ADAM2: variants seen among roughly 807,000 people sequenced by gnomAD.
The protein encoded by ADAM2 is ADAM metallopeptidase domain 2.
In ADAM2, 101 loss-of-function variants were observed where a neutral mutation model predicts 99.3. The ratio of observed to expected loss-of-function variants is 1.02; its 90% confidence interval spans 0.87 to 1.20. ADAM2 has a LOEUF of 1.20. Among genes scored for constraint, ADAM2 ranks in the 50% most tolerant of loss-of-function variants. ADAM2 has a pLI of 0.00. For synonymous variants in ADAM2, 323 were observed against 287.6 expected (o/e 1.12, Z -1.25); for missense variants, 948 against 878.7 (o/e 1.08, Z -1.00).
chr8:39,768,578 CA>C (rs1400689395), intron 12 of ADAM2, among the ~76,000 whole-genome samples: 3 of 152,132 alleles, frequency 2.0e-5, no homozygotes, highest in Non-Finnish European at 4.4e-5. Context: ...TTAAAATATT[CA>C]AAAACCACAA....
intron 10 of ADAM2, 87 bp downstream of exon 10, chr8:39,786,886 AT>A: frequency 9.8e-7 from 1 of 1,021,128 alleles, no homozygotes; most frequent in South Asian, 1.8e-5. Flanking sequence ...AACAATGCAA[AT>A]TTTAATACAC....
At chr8:39,820,931 T>C in intron 6 of ADAM2, 71 bp downstream of exon 6, 1 of 983,388 alleles carries the variant, frequency 1.0e-6, no homozygotes, top group Non-Finnish European at 1.5e-6. Flanking sequence ...ATGTAATTTA[T>C]CAACTATAAA....
chr8:39,831,197 A>G (rs1368275396), intron 3 of ADAM2, among the ~76,000 whole-genome samples: 2 of 152,186 alleles, frequency 1.3e-5, no homozygotes, highest in Non-Finnish European at 2.9e-5. Flanking sequence ...GGACAAAAGG[A>G]TGCTACCCAA....
chr8:39,825,561 G>A (rs1805363375), intron 3 of ADAM2, among the ~76,000 whole-genome samples: 2 of 151,628 alleles, frequency 1.3e-5, no homozygotes, highest in Non-Finnish European at 1.5e-5. Flanking sequence ...GTATCAAAAA[G>A]CTTTATGTAA....
intron 6 of ADAM2, among the ~76,000 whole-genome samples, chr8:39,816,489 C>T (rs1804947986): frequency 6.6e-6 from 1 of 151,984 alleles, no homozygotes; most frequent in South Asian, 2.1e-4. Context: ...AACATATATC[C>T]ACATAAAACA....
intron 6 of ADAM2, among the ~76,000 whole-genome samples, chr8:39,813,742 G>A (rs1330777117): frequency 6.6e-6 from 1 of 151,946 alleles, no homozygotes; most frequent in East Asian, 1.9e-4. Flanking sequence ...GACACAAGCT[G>A]GGGAACTTCA....
chr8:39,813,871 A>G (rs1254030117), intron 6 of ADAM2, among the ~76,000 whole-genome samples: 1 of 152,234 alleles, frequency 6.6e-6, no homozygotes, highest in African/African-American at 2.4e-5. Flanking sequence ...TACATATGGA[A>G]GAAAGCTGCA....
chr8:39,819,011 G>T (rs567111755), intron 6 of ADAM2, among the ~76,000 whole-genome samples: 2 of 151,828 alleles, frequency 1.3e-5, no homozygotes, highest in East Asian at 3.9e-4. Flanking sequence ...GCCATTTTTT[G>T]GAAATTAAAA....
rs561761123 is a variant in ADAM2, at chr8:39,760,749, A to C, written c.1613+427T>G. Among the ~76,000 whole-genome samples, 21 of 150,496 alleles carry C rather than the reference A, an allele frequency of 1.4e-4. 1 individual carries two copies. The highest frequency in any genetic ancestry group is 5.9e-4 in the East Asian group (3 of 5,106). ...AATAAAATAAAAAAATAAAAAAAAA[A>C]CACATTTTGCTCCTTAAGCAGTAAA... is the stretch of plus-strand genomic sequence containing the variant. On this transcript the variant is annotated intron_variant, in intron 15 of 20. Coordinates refer to ENST00000265708, the MANE Select transcript of ADAM2 (RefSeq NM_001464.5).
chr8:39,789,125 A>C (rs1312353111), intron 7 of ADAM2, among the ~76,000 whole-genome samples: 1 of 151,704 alleles, frequency 6.6e-6, no homozygotes, highest in Non-Finnish European at 1.5e-5. Context: ...AGGAACTTAA[A>C]AGATATACCA....
chr8:39,764,808 G>C (rs1379941473), intron 14 of ADAM2, among the ~76,000 whole-genome samples: 1 of 152,108 alleles, frequency 6.6e-6, no homozygotes, highest in Non-Finnish European at 1.5e-5. Flanking sequence ...GTGGTCAGGA[G>C]TTCGAGACCA....
At chr8:39,751,477 TG>T (rs746401981) in intron 16 of ADAM2, among the ~76,000 whole-genome samples, 8 of 151,748 alleles carry the variant, frequency 5.3e-5, no homozygotes, top group Non-Finnish European at 1.0e-4. Context: ...TTTTTTTGTT[TG>T]TTTTTGTTTT....
chr8:39,773,043 C>A (rs202005), intron 11 of ADAM2, among the ~76,000 whole-genome samples: 5,675 of 151,788 alleles, frequency 0.037, 345 homozygotes, highest in African/African-American at 0.13. Flanking sequence ...AAACTAAACA[C>A]AATTATTAAA....
intron 14 of ADAM2, among the ~76,000 whole-genome samples, chr8:39,764,907 C>CAGGAGGCT (rs1391681410): frequency 5.6e-4 from 85 of 152,016 alleles, no homozygotes; most frequent in Non-Finnish European, 8.5e-4. Flanking sequence ...CACAGCTACT[C>CAGGAGGCT]AGGAGGCTAG....
In ADAM2 at chr8:39,746,538, A is replaced by T; in HGVS notation, c.2108T>A (p.Ile703Asn). ...IPFFIIFCVL[I>N]AIMVKVNFQR... ...GAAATTAACTTTCACCATTATAGCAATCAGTACACAGAAAATAATAAAGAA... is the reference window on the plus strand; with the variant it reads ...GAAATTAACTTTCACCATTATAGCATTCAGTACACAGAAAATAATAAAGAA... Residue 703 changes from isoleucine to asparagine, a missense_variant, in exon 19 of 21, where the codon ATT (isoleucine) becomes AAT (asparagine). Transcript: ENST00000265708. 1 of 1,605,954 alleles carries T rather than the reference A, an allele frequency of 6.2e-7. No homozygotes were observed. Among genetic ancestry groups the T allele is most frequent in the Non-Finnish European group, 8.5e-7 (1 of 1,176,034 alleles).
At position 39,766,500 on chromosome 8, in the gene ADAM2, C is replaced by T. The variant is rs988413902; in HGVS notation, c.1507+348G>A. ...TTTCTCCCAGGCTGGAGTGCAGTGG[C>T]GTGATCTCAGCTCACTGGAACCTCA... On this transcript the variant is annotated intron_variant, in intron 14 of 20. Transcript: ENST00000265708. Among the ~76,000 whole-genome samples, 6 of 149,038 alleles carry T rather than the reference C, an allele frequency of 4.0e-5. No homozygotes were observed. In the East Asian group the frequency reaches 7.9e-4, roughly 20 times the overall value.
rs535711263 is a variant in ADAM2 at position 39,800,957 on chromosome 8, A to ATTAGG, written c.570+8448_570+8452dup. Among the ~76,000 whole-genome samples the ATTAGG allele has an allele frequency of 9.8e-4, 149 of 152,238 alleles. 1 individual carries two copies. The highest frequency in any genetic ancestry group is 3.5e-3 in the African/African-American group (145 of 41,542). On this transcript the variant is annotated intron_variant, in intron 7 of 20. Coordinates refer to ENST00000265708, the MANE Select transcript of ADAM2 (RefSeq NM_001464.5). ...TTATCAAGGTTCTTAGCTTCTTTGCATTAGGTTAGAACATGCTCCTTTAGC... is the reference window on the plus strand; with the variant it reads ...TTATCAAGGTTCTTAGCTTCTTTGCATTAGGTTAGGTTAGAACATGCTCCTTTAGC...
At chr8:39,816,385 T>C (rs1337246568) in intron 6 of ADAM2, among the ~76,000 whole-genome samples, 3 of 152,176 alleles carry the variant, frequency 2.0e-5, no homozygotes, top group Admixed American at 6.6e-5. Flanking sequence ...TCAGCCACAT[T>C]GGACAAATAA....
At chr8:39,747,857 G>A (rs916110359) in intron 18 of ADAM2, among the ~76,000 whole-genome samples, 6 of 152,126 alleles carry the variant, frequency 3.9e-5, no homozygotes, top group African/African-American at 1.4e-4. Flanking sequence ...TCCTTGAATT[G>A]CTCACCAACT....
Sources: gnomAD v4.1 joint callset for allele counts (sites outside exome capture counted in the v4.1 genomes callset) on GRCh38, gnomAD v4.1.1 for gene constraint, MANE v1.5 for transcripts, NCBI Gene and HGNC (gene_info 2026-07-23, HGNC 2026-07-21) for gene names.